The following KIDINS220 variants were observed in gnomAD, a reference collection of about 807,000 sequenced individuals.
The protein encoded by KIDINS220 is kinase D interacting substrate 220.
A neutral mutation model predicts 157.6 loss-of-function variants in KIDINS220; 63 were observed. The observed-to-expected ratio is 0.40, with a 90% CI of 0.33 to 0.49. KIDINS220 has a LOEUF of 0.49. KIDINS220 is among the 20% of genes least tolerant of loss of function. The pLI is 0.66. For missense variants in KIDINS220, 1,772 were observed against 2,171.2 expected (o/e 0.82, Z 3.65); for synonymous variants, 732 against 783.6 (o/e 0.93, Z 1.10).
intron 26 of KIDINS220, among the ~76,000 whole-genome samples, chr2:8,741,455 C>G (rs1665614214): frequency 6.6e-6 from 1 of 152,076 alleles, no homozygotes; most frequent in Non-Finnish European, 1.5e-5. Flanking sequence ...GTGGTGCACG[C>G]CTGGGTCCCA....
At chr2:8,743,677 C>G (rs1364779271) in intron 26 of KIDINS220, among the ~76,000 whole-genome samples, 1 of 152,210 alleles carries the variant, frequency 6.6e-6, no homozygotes, top group African/African-American at 2.4e-5. Flanking sequence ...AAATCTGGCA[C>G]CCCTTTCCTG....
At chr2:8,804,903 C>T (rs1010608046) in intron 7 of KIDINS220, among the ~76,000 whole-genome samples, 1 of 152,078 alleles carries the variant, frequency 6.6e-6, no homozygotes, top group Non-Finnish European at 1.5e-5. Context: ...AGCATCAGAC[C>T]CCACAGGCAA....
rs79916475 is a variant in KIDINS220, at chr2:8,749,402, C to A, written c.3414+710G>T. On this transcript the variant is annotated intron_variant, in intron 24 of 29. Coordinates refer to ENST00000256707, the MANE Select transcript of KIDINS220 (RefSeq NM_020738.4). ...AGAACAGTTCCAGAAAGTGTAACCC[C>A]AGGTTCATGCTCCATTTTCCTACAG... The A allele has an allele frequency of 4.0e-3, 1,816 of 456,134 alleles. 34 individuals carry two copies. Among genetic ancestry groups the A allele is most frequent in the African/African-American group, 0.033 (1,671 of 50,068 alleles). 28.3% of individuals were successfully genotyped at this position (456,134 alleles called of 1,614,324 possible).
chr2:8,777,509 C>G (rs1388692231), intron 20 of KIDINS220, among the ~76,000 whole-genome samples: 1 of 152,106 alleles, frequency 6.6e-6, no homozygotes, highest in African/African-American at 2.4e-5. Context: ...CTATGTTGCC[C>G]GGGCTGGTCT....
At chr2:8,735,130 C>T (rs983845924) in intron 27 of KIDINS220, among the ~76,000 whole-genome samples, 1 of 152,156 alleles carries the variant, frequency 6.6e-6, no homozygotes, top group East Asian at 1.9e-4. Flanking sequence ...TTCTCATAAG[C>T]GTGTTGGTCA....
In KIDINS220 at chr2:8,736,795, T is replaced by G. The variant is rs536218479; in HGVS notation, c.3717+73A>C. 4.6e-6 allele frequency: 7 copies of G among 1,511,742 alleles called. No individual in the cohort carries two copies. The East Asian group carries it at 1.6e-4, about 34-fold the overall frequency. The allele number at this position is 1,511,742 out of a possible 1,614,324, so 93.6% of individuals were successfully genotyped here. A position where few individuals can be genotyped will look rare whatever the true frequency, so the allele number is the denominator to read the frequency against. On this transcript the variant is annotated intron_variant, in intron 27 of 29. Coordinates refer to ENST00000256707, the MANE Select transcript of KIDINS220 (RefSeq NM_020738.4). Reference sequence around the variant, plus strand: ...CATGTTTGGGAAGCTATACATAAAGTTTACACGACCCACACAGTCCTGTCT... The same window carrying G: ...CATGTTTGGGAAGCTATACATAAAGGTTACACGACCCACACAGTCCTGTCT...
Position 8,786,451 on chromosome 2 carries a change from T to C in KIDINS220, c.1788-94A>G, listed in dbSNP as rs1672410003. ...TCTTTGCATCACTTACCCTTTATTT[T>C]CTTTTTGTCTCTTTCAAAATATTGT... On this transcript the variant is annotated intron_variant, in intron 15 of 29. Transcript: ENST00000256707. The C allele has an allele frequency of 1.4e-5, 14 of 983,004 alleles. No homozygotes were observed. The East Asian group carries it at 2.9e-4, about 21-fold the overall frequency. The allele number at this position is 983,004 out of a possible 1,614,324, so 60.9% of individuals were successfully genotyped here. A position where few individuals can be genotyped will look rare whatever the true frequency, so the allele number is the denominator to read the frequency against.
intron 11 of KIDINS220, among the ~76,000 whole-genome samples, chr2:8,795,023 T>C (rs970614920): frequency 3.3e-5 from 5 of 152,220 alleles, no homozygotes; most frequent in Non-Finnish European, 5.9e-5. Flanking sequence ...TATGTCGTAA[T>C]AGGAAGAGAC....
chr2:8,791,956 T>A (rs1326166070), intron 12 of KIDINS220, among the ~76,000 whole-genome samples: 2 of 152,072 alleles, frequency 1.3e-5, no homozygotes, highest in African/African-American at 4.8e-5. Context: ...AAACAATAAT[T>A]TGAACATTCT....
intron 8 of KIDINS220, among the ~76,000 whole-genome samples, chr2:8,801,742 A>C (rs1181286799): frequency 6.6e-6 from 1 of 152,116 alleles, no homozygotes; most frequent in Non-Finnish European, 1.5e-5. Context: ...CCTGTCTCTC[A>C]AAACAAAACA....
intron 2 of KIDINS220, 112 bp from the exon 3 acceptor site, chr2:8,818,905 T>A (rs1184477448): frequency 1.0e-5 from 5 of 496,732 alleles, no homozygotes; most frequent in Non-Finnish European, 1.8e-5. Context: ...ATTGTTTAGT[T>A]GTGTTTACTA....
intron 2 of KIDINS220, among the ~76,000 whole-genome samples, chr2:8,820,787 A>C (rs1221513860): frequency 6.6e-6 from 1 of 152,208 alleles, no homozygotes; most frequent in Non-Finnish European, 1.5e-5. Context: ...GATGGCCTTA[A>C]AAGTTATGTT....
chr2:8,735,851 G>A (rs546925260), intron 27 of KIDINS220, among the ~76,000 whole-genome samples: 4 of 152,316 alleles, frequency 2.6e-5, no homozygotes, highest in East Asian at 1.9e-4. Context: ...TCAGAAAGCC[G>A]GGGTCTAGGA....
chr2:8,736,040 C>T (rs911347101), intron 27 of KIDINS220, among the ~76,000 whole-genome samples: 1 of 152,216 alleles, frequency 6.6e-6, no homozygotes, highest in Admixed American at 6.5e-5. Flanking sequence ...CACGAGCCAG[C>T]TCTGTAAGGA....
At chr2:8,808,479 G>A (rs185729496) in intron 6 of KIDINS220, among the ~76,000 whole-genome samples, 308 of 152,228 alleles carry the variant, frequency 2.0e-3, no homozygotes, top group Non-Finnish European at 3.2e-3. Flanking sequence ...CACATGAGCC[G>A]GCTAGTCCTT....
At chr2:8,742,005 C>T (rs1425373257) in intron 26 of KIDINS220, among the ~76,000 whole-genome samples, 1 of 152,192 alleles carries the variant, frequency 6.6e-6, no homozygotes, top group Non-Finnish European at 1.5e-5. Context: ...CAACCTAAAA[C>T]GCCTTCGACT....
chr2:8,812,219 T>C (rs1405065943), intron 6 of KIDINS220, among the ~76,000 whole-genome samples, 176 bp downstream of exon 6: 1 of 152,164 alleles, frequency 6.6e-6, no homozygotes, highest in Non-Finnish European at 1.5e-5. Context: ...GGATACTTAC[T>C]ACATAATACA....
At chr2:8,801,470 C>T (rs1293261570) in intron 8 of KIDINS220, among the ~76,000 whole-genome samples, 4 of 152,198 alleles carry the variant, frequency 2.6e-5, no homozygotes, top group Admixed American at 2.6e-4. Flanking sequence ...ATGTGCCATC[C>T]ACCATTCTAG....
downstream of KIDINS220, chr2:8,722,679 C>G (rs1434867157): frequency 6.6e-6 from 1 of 152,114 alleles, no homozygotes; most frequent in East Asian, 1.9e-4. Context: ...ATCTGAGAGT[C>G]CCTTGAATAA....
Sources: allele counts gnomAD v4.1 joint callset (sites outside exome capture counted in the v4.1 genomes callset), GRCh38; gene constraint gnomAD v4.1.1; transcripts MANE v1.5; gene names NCBI Gene and HGNC (gene_info 2026-07-23, HGNC 2026-07-21).